The following NUMB variants were observed in gnomAD, a reference collection of about 807,000 sequenced individuals.
NUMB encodes the protein NUMB endocytic adaptor protein.
A neutral mutation model predicts 59.7 loss-of-function variants in NUMB; 29 were observed. The observed-to-expected ratio is 0.49, with a 90% CI of 0.36 to 0.66. The LOEUF is 0.66. Ranked by LOEUF, NUMB falls within the 30% of genes least tolerant of loss-of-function variation. The pLI, the probability that NUMB is intolerant of heterozygous loss-of-function variation, is 0.00. For missense variants in NUMB, 723 were observed against 822.0 expected (o/e 0.88, Z 1.47); for synonymous variants, 288 against 288.2 (o/e 1.00, Z 0.01).
chr14:73,305,008 C>A (rs1292413878), intron 6 of NUMB, among the ~76,000 whole-genome samples: 1 of 152,152 alleles, frequency 6.6e-6, no homozygotes, highest in African/African-American at 2.4e-5. Flanking sequence ...CTCAGGTGAT[C>A]CGCCCACCTC....
chr14:73,448,148 G>A (rs1486220533), intron 1 of NUMB, among the ~76,000 whole-genome samples: 1 of 151,910 alleles, frequency 6.6e-6, no homozygotes, highest in African/African-American at 2.4e-5. Context: ...AAGAGTTAAG[G>A]AAGACTTACT....
At chr14:73,429,019 T>A (rs1278966007) in intron 1 of NUMB, among the ~76,000 whole-genome samples, 1 of 152,028 alleles carries the variant, frequency 6.6e-6, no homozygotes, top group Admixed American at 6.6e-5. Flanking sequence ...CCAAAAAAAT[T>A]CCCTCATGCC....
chr14:73,408,985 A>G (rs927595727), intron 2 of NUMB, among the ~76,000 whole-genome samples: 1 of 152,146 alleles, frequency 6.6e-6, no homozygotes, highest in African/African-American at 2.4e-5. Context: ...ACACAAGAAC[A>G]CATCAAATTC....
intron 2 of NUMB, among the ~76,000 whole-genome samples, chr14:73,380,676 T>C (rs1024463306): frequency 2.6e-5 from 4 of 151,954 alleles, no homozygotes; most frequent in Non-Finnish European, 5.9e-5. Flanking sequence ...TATAGTTGTA[T>C]GATAATACTA....
intron 11 of NUMB, among the ~76,000 whole-genome samples, chr14:73,279,776 T>C (rs770360273): frequency 2.6e-5 from 4 of 152,240 alleles, no homozygotes; most frequent in Admixed American, 6.5e-5. Flanking sequence ...ATTCTAGATA[T>C]AGCTTAGCCT....
intron 6 of NUMB, among the ~76,000 whole-genome samples, chr14:73,309,078 G>A (rs1182251951): frequency 6.6e-6 from 1 of 151,980 alleles, no homozygotes; most frequent in Non-Finnish European, 1.5e-5. Context: ...GAGGGGAGAG[G>A]GGGTAGCATT....
At chr14:73,377,119 A>G (rs1894986558) in intron 2 of NUMB, among the ~76,000 whole-genome samples, 1 of 152,212 alleles carries the variant, frequency 6.6e-6, no homozygotes, top group South Asian at 2.1e-4. Flanking sequence ...AAAATGTAAA[A>G]CTATAAAGCT....
chr14:73,308,755 C>CA (rs1890603194), intron 6 of NUMB, among the ~76,000 whole-genome samples: 1 of 152,108 alleles, frequency 6.6e-6, no homozygotes, highest in African/African-American at 2.4e-5. Context: ...GAGAAGAGTC[C>CA]ACAGACGAAG....
intron 2 of NUMB, among the ~76,000 whole-genome samples, chr14:73,367,292 TATATAC>T (rs1208656357): frequency 1.8e-5 from 2 of 111,446 alleles, no homozygotes; most frequent in African/African-American, 4.7e-5. Context: ...TATATATATA[TATATAC>T]ACACACACAC....
At chr14:73,310,794 T>A (rs1035975179) in intron 6 of NUMB, among the ~76,000 whole-genome samples, 7 of 152,190 alleles carry the variant, frequency 4.6e-5, no homozygotes, top group African/African-American at 1.7e-4. Context: ...AAAAGAGATC[T>A]AATAGGGTGG....
In NUMB at chr14:73,425,176, T is replaced by C. The variant is rs918923944; in HGVS notation, c.-232-15108A>G. Reference sequence around the variant, plus strand: ...ATCTACACAGGTTAAACTGACTTCTTTGATTCACAGCTAATAGAAAGTACA... The same window carrying C: ...ATCTACACAGGTTAAACTGACTTCTCTGATTCACAGCTAATAGAAAGTACA... On this transcript the variant is annotated intron_variant, in intron 1 of 12. Transcript: ENST00000555238. 2.6e-5 allele frequency among the ~76,000 whole-genome samples: 4 copies of C among 152,324 alleles called. No homozygotes were observed. In the East Asian group the frequency reaches 7.7e-4, roughly 29 times the overall value.
At chr14:73,403,235 A>AAAG (rs1235603122) in intron 2 of NUMB, among the ~76,000 whole-genome samples, 1 of 152,206 alleles carries the variant, frequency 6.6e-6, no homozygotes. Flanking sequence ...GCAAATCACA[A>AAAG]ATTCATAGGC....
intron 1 of NUMB, among the ~76,000 whole-genome samples, chr14:73,444,933 T>C (rs985761493): frequency 1.3e-5 from 2 of 150,602 alleles, no homozygotes; most frequent in African/African-American, 4.9e-5. Flanking sequence ...GCAGAAAACA[T>C]CCTCCCCAAA....
chr14:73,378,887 T>C (rs1895095292), intron 2 of NUMB, among the ~76,000 whole-genome samples: 1 of 152,190 alleles, frequency 6.6e-6, no homozygotes. Flanking sequence ...ATCCCTAAAG[T>C]AAACTATGGA....
At chr14:73,444,306 G>A (rs1883300960) in intron 1 of NUMB, among the ~76,000 whole-genome samples, 2 of 151,384 alleles carry the variant, frequency 1.3e-5, no homozygotes, top group Admixed American at 1.3e-4. Flanking sequence ...GGCTGAGGCA[G>A]GAGAATTGCT....
At chr14:73,422,866 G>T (rs896369428) in intron 1 of NUMB, among the ~76,000 whole-genome samples, 5 of 148,114 alleles carry the variant, frequency 3.4e-5, no homozygotes, top group African/African-American at 1.3e-4. Context: ...GATGTGGAAG[G>T]GACAAACAAC....
chr14:73,390,285 A>G (rs1307643593), intron 2 of NUMB, among the ~76,000 whole-genome samples: 1 of 152,230 alleles, frequency 6.6e-6, no homozygotes, highest in Admixed American at 6.5e-5. Flanking sequence ...TGCTAAGAGG[A>G]GCCCCTCCTC....
At chr14:73,454,225 A>G (rs949441015) in intron 1 of NUMB, among the ~76,000 whole-genome samples, 4 of 152,110 alleles carry the variant, frequency 2.6e-5, no homozygotes, top group Non-Finnish European at 5.9e-5. Context: ...TTTTTTAAAA[A>G]AAAAGGAAAA....
At chr14:73,320,718 TTAC>T (rs1413077280) in intron 5 of NUMB, among the ~76,000 whole-genome samples, 2 of 152,194 alleles carry the variant, frequency 1.3e-5, no homozygotes, top group African/African-American at 4.8e-5. Flanking sequence ...ATTTTTTGAG[TTAC>T]TACTATGTGC....
Sources: allele counts gnomAD v4.1 joint callset (sites outside exome capture counted in the v4.1 genomes callset), GRCh38; gene constraint gnomAD v4.1.1; transcripts MANE v1.5; gene names NCBI Gene and HGNC (gene_info 2026-07-23, HGNC 2026-07-21).